CFAP58: variants seen among roughly 807,000 people sequenced by gnomAD.
The protein encoded by CFAP58 is cilia and flagella associated protein 58.
CFAP58 carries 88 observed loss-of-function variants against 119.5 expected under a neutral mutation model. That is an observed-to-expected ratio of 0.74 (90% CI 0.62 to 0.88). The LOEUF (loss-of-function observed/expected upper bound fraction) is 0.88, where lower values mean the gene tolerates loss of function less well. Among genes scored for constraint, CFAP58 ranks in the 40% least tolerant of loss-of-function variants. CFAP58 has a pLI of 0.00. For missense variants in CFAP58, 990 were observed against 1,021.2 expected, an observed-to-expected ratio of 0.97 and a Z score of 0.42; for synonymous variants, 365 against 366.3, an observed-to-expected ratio of 1.00 and a Z score of 0.04.
At chr10:104,414,471 G>T (rs1473475236) in intron 15 of CFAP58, among the ~76,000 whole-genome samples, 6 of 151,972 alleles carry the variant, frequency 3.9e-5, no homozygotes, top group African/African-American at 1.5e-4. Flanking sequence ...AAAGAGGGAG[G>T]GAGGAGAAGG....
intron 14 of CFAP58, 104 bp from the exon 15 acceptor site, chr10:104,406,585 A>C: frequency 1.2e-6 from 1 of 836,772 alleles, no homozygotes; most frequent in Non-Finnish European, 2.0e-6. Flanking sequence ...TTAGGTCTGC[A>C]GGTTTGCAAC....
intron 2 of CFAP58, among the ~76,000 whole-genome samples, chr10:104,360,213 TAAG>T (rs2014647664): frequency 6.6e-6 from 1 of 152,228 alleles, no homozygotes; most frequent in Non-Finnish European, 1.5e-5. Context: ...GCAAGAAAGT[TAAG>T]TAGTGGCCTA....
intron 16 of CFAP58, 68 bp downstream of exon 16, chr10:104,447,885 G>A (rs1285218744): frequency 2.7e-5 from 40 of 1,495,570 alleles, no homozygotes; most frequent in Non-Finnish European, 3.5e-5. Flanking sequence ...ACCTGGACAA[G>A]TCCACTGACT....
chr10:104,414,557 G>A (rs1323525637), intron 15 of CFAP58, among the ~76,000 whole-genome samples: 1 of 140,482 alleles, frequency 7.1e-6, no homozygotes, highest in Non-Finnish European at 1.6e-5. Context: ...GAACAGAGAG[G>A]CAGAGAAGCA....
intron 17 of CFAP58, among the ~76,000 whole-genome samples, 183 bp from the exon 18 acceptor site, chr10:104,454,239 G>T (rs562474775): frequency 2.0e-5 from 3 of 152,190 alleles, no homozygotes; most frequent in South Asian, 4.1e-4. Context: ...GCATTTAATT[G>T]TCTTGCCCTA....
chr10:104,408,415 A>G (rs61861173), intron 15 of CFAP58, among the ~76,000 whole-genome samples: 22,403 of 152,186 alleles, frequency 0.15, 1,851 homozygotes, highest in Middle Eastern at 0.31. Context: ...AGGATAACCA[A>G]TTAGTACGTG....
intron 11 of CFAP58, among the ~76,000 whole-genome samples, chr10:104,394,542 GT>G (rs1409250796): frequency 3.3e-5 from 5 of 152,224 alleles, no homozygotes; most frequent in African/African-American, 1.2e-4. Context: ...TTAATAATGA[GT>G]TTTGTCAAGT....
Position 104,442,895 on chromosome 10 carries a change from C to A in CFAP58, c.2257-4803C>A, listed in dbSNP as rs576538491. 6.4e-4 allele frequency among the ~76,000 whole-genome samples: 97 copies of A among 152,304 alleles called. 1 individual carries two copies. Among genetic ancestry groups the A allele is most frequent in the Non-Finnish European group, 1.1e-3 (74 of 68,028 alleles). ...AAGTGAATTATGCAAGCTCTGCTAACTGGAAGATGTTATTGAATGGTTTAA... is the reference window on the plus strand; with the variant it reads ...AAGTGAATTATGCAAGCTCTGCTAAATGGAAGATGTTATTGAATGGTTTAA... On this transcript the variant is annotated intron_variant, in intron 15 of 17. Transcript: ENST00000369704.
At chr10:104,341,648 ATTAT>A in the CFAP58 span, among the ~76,000 whole-genome samples, 9 of 151,680 alleles carry the variant, frequency 5.9e-5, no homozygotes, top group East Asian at 1.7e-3. Flanking sequence ...AAAGTAATAT[ATTAT>A]TGTTTATAAA....
Position 104,358,379 on chromosome 10 carries a change from T to C in CFAP58, c.48T>C (p.Phe16=). The C allele has an allele frequency of 1.2e-6, 2 of 1,613,802 alleles. No homozygotes were observed. The highest frequency in any genetic ancestry group is 3.3e-5 in the Admixed American group (2 of 59,952). The part of the protein sequence containing the change: ...GGKQVLEESA[F]EEMERDFQGV... ...AGCAAGTCCTGGAAGAATCTGCATT[T>C]GAAGAAATGGAAAGAGATTTTCAGG... Residue 16 remains phenylalanine, a synonymous_variant, in exon 2 of 18, where the codon TTT becomes TTC. Transcript: ENST00000369704.
In CFAP58 at chr10:104,439,036, T is replaced by C. The variant is rs190841736; in HGVS notation, c.2257-8662T>C. 5.3e-5 allele frequency among the ~76,000 whole-genome samples: 8 copies of C among 152,274 alleles called. No homozygotes were observed. The East Asian group carries it at 1.4e-3, about 26-fold the overall frequency. On this transcript the variant is annotated intron_variant, in intron 15 of 17. Coordinates refer to ENST00000369704, the MANE Select transcript of CFAP58 (RefSeq NM_001008723.2). ...AGAAAACTAGATACACTCAGATATA[T>C]TTTCATAAAGCTCAAAGCAAAACTA...
chr10:104,344,265 G>A, the CFAP58 span, among the ~76,000 whole-genome samples: 1 of 152,216 alleles, frequency 6.6e-6, no homozygotes, highest in Non-Finnish European at 1.5e-5. Flanking sequence ...TCATTATGCT[G>A]TAACCTTAGG....
At chr10:104,368,115 C>T (rs1352596720) in intron 5 of CFAP58, among the ~76,000 whole-genome samples, 1 of 152,254 alleles carries the variant, frequency 6.6e-6, no homozygotes, top group Admixed American at 6.5e-5. Context: ...ATATGCGAAG[C>T]CTGCCAAATG....
intron 9 of CFAP58, among the ~76,000 whole-genome samples, chr10:104,385,446 TAAAAAAG>T (rs996414594): frequency 6.6e-6 from 1 of 150,750 alleles, no homozygotes; most frequent in African/African-American, 2.4e-5. Flanking sequence ...GTATAAAAAC[TAAAAAAG>T]AAAAAAGAAA....
chr10:104,373,580 G>A (rs1014673038), intron 7 of CFAP58, among the ~76,000 whole-genome samples: 9 of 152,148 alleles, frequency 5.9e-5, no homozygotes, highest in African/African-American at 2.2e-4. Flanking sequence ...CTTGAGTCTA[G>A]GAGGTCAAGG....
At chr10:104,347,630 A>G in the CFAP58 span, among the ~76,000 whole-genome samples, 1,063 of 152,244 alleles carry the variant, frequency 7.0e-3, 31 homozygotes, top group African/African-American at 0.024. Flanking sequence ...TAAATCCAGC[A>G]ATGCCACAAG....
chr10:104,367,022 C>A (rs1396930677), intron 5 of CFAP58, among the ~76,000 whole-genome samples: 3 of 151,942 alleles, frequency 2.0e-5, no homozygotes, highest in Admixed American at 6.6e-5. Flanking sequence ...CCATGCCTGG[C>A]TAATTTTTAT....
intron 15 of CFAP58, among the ~76,000 whole-genome samples, chr10:104,412,014 A>G (rs1337936963): frequency 1.3e-5 from 2 of 152,158 alleles, no homozygotes; most frequent in Non-Finnish European, 2.9e-5. Context: ...GCTGCAATAT[A>G]TATCTATTCA....
chr10:104,406,969 G>A (rs1040195872), intron 15 of CFAP58, among the ~76,000 whole-genome samples, 176 bp downstream of exon 15: 6 of 152,190 alleles, frequency 3.9e-5, no homozygotes, highest in African/African-American at 1.4e-4. Context: ...CTTTTACGTT[G>A]CGATCACTGA....
Sources: allele counts gnomAD v4.1 joint callset (sites outside exome capture counted in the v4.1 genomes callset), GRCh38; gene constraint gnomAD v4.1.1; transcripts MANE v1.5; gene names NCBI Gene and HGNC (gene_info 2026-07-23, HGNC 2026-07-21).